GALNTL6: variants seen among roughly 807,000 people sequenced by gnomAD.
The protein encoded by GALNTL6 is polypeptide N-acetylgalactosaminyltransferase-like 6.
In GALNTL6, 46 loss-of-function variants were observed where a neutral mutation model predicts 73.7. The observed-to-expected ratio is 0.62, with a 90% CI of 0.49 to 0.80. The LOEUF (loss-of-function observed/expected upper bound fraction) is 0.80. Ranked by LOEUF, GALNTL6 falls within the 30% of genes least tolerant of loss-of-function variation. GALNTL6 has a pLI of 0.00. For missense variants in GALNTL6, 604 were observed against 755.0 expected (o/e 0.80, Z 2.34); for synonymous variants, 259 against 263.7 (o/e 0.98, Z 0.17).
chr4:173,023,671 C>CCA (rs1394434147), intron 12 of GALNTL6, among the ~76,000 whole-genome samples: 2 of 148,576 alleles, frequency 1.3e-5, no homozygotes, highest in Non-Finnish European at 3.0e-5. Flanking sequence ...CCAAAAAAAG[C>CCA]AAAAAAAAAT....
At chr4:172,065,973 A>G (rs1403001927) in intron 2 of GALNTL6, among the ~76,000 whole-genome samples, 1 of 152,178 alleles carries the variant, frequency 6.6e-6, no homozygotes, top group Non-Finnish European at 1.5e-5. Context: ...TGTGAGGATT[A>G]TCACAATTCA....
chr4:171,883,679 G>T (rs551345937), intron 2 of GALNTL6, among the ~76,000 whole-genome samples: 1 of 149,542 alleles, frequency 6.7e-6, no homozygotes, highest in South Asian at 2.1e-4. Context: ...ATAGAGTCTC[G>T]CTCTGTCGCC....
chr4:172,013,697 T>C (rs1275838385), intron 2 of GALNTL6, among the ~76,000 whole-genome samples: 1 of 152,112 alleles, frequency 6.6e-6, no homozygotes, highest in Non-Finnish European at 1.5e-5. Context: ...TTATCCTTCA[T>C]GTCACAAACA....
intron 5 of GALNTL6, among the ~76,000 whole-genome samples, chr4:172,361,447 A>T (rs1343996226): frequency 1.3e-5 from 2 of 152,132 alleles, no homozygotes; most frequent in African/African-American, 4.8e-5. Flanking sequence ...ATAGCAAAAC[A>T]AAAACAAAAC....
intron 12 of GALNTL6, among the ~76,000 whole-genome samples, chr4:173,031,430 A>G (rs1753454883): frequency 6.6e-6 from 1 of 152,204 alleles, no homozygotes; most frequent in African/African-American, 2.4e-5. Context: ...TAAATCTTAG[A>G]ATATCAATTT....
intron 8 of GALNTL6, among the ~76,000 whole-genome samples, chr4:172,887,577 T>TTTAC (rs1338262046): frequency 3.3e-5 from 5 of 150,682 alleles, no homozygotes; most frequent in African/African-American, 1.2e-4. Flanking sequence ...TATTTATTTA[T>TTTAC]TTTTGAGATC....
At chr4:172,499,958 C>G (rs932046611) in intron 5 of GALNTL6, among the ~76,000 whole-genome samples, 1 of 152,034 alleles carries the variant, frequency 6.6e-6, no homozygotes, top group African/African-American at 2.4e-5. Flanking sequence ...TAATTCTTAC[C>G]TCTCTTACAG....
chr4:172,448,330 A>G (rs336018), intron 5 of GALNTL6, among the ~76,000 whole-genome samples: 132,752 of 152,200 alleles, frequency 0.87, 57,932 homozygotes, highest in South Asian at 0.89. Context: ...CAATCATTTT[A>G]ATGCTTATTT....
intron 12 of GALNTL6, among the ~76,000 whole-genome samples, chr4:173,030,153 T>A (rs146945998): frequency 7.6e-6 from 1 of 131,790 alleles, no homozygotes; most frequent in East Asian, 2.0e-4. Flanking sequence ...GGACTTATGT[T>A]ATCCTAAGAA....
In GALNTL6 at chr4:171,933,979, C is replaced by A. The variant is rs543158701; in HGVS notation, c.138+119261C>A. On this transcript the variant is annotated intron_variant, in intron 2 of 12. Transcript: ENST00000506823. Reference sequence around the variant, plus strand: ...GGGTTTTCAAATGTTATAAACACCACGGGACTTTTTAAAATTTACATTCCT... The same window carrying A: ...GGGTTTTCAAATGTTATAAACACCAAGGGACTTTTTAAAATTTACATTCCT... 2.6e-5 allele frequency among the ~76,000 whole-genome samples: 4 copies of A among 152,214 alleles called. No homozygotes were observed. The East Asian group carries it at 7.7e-4, about 29-fold the overall frequency.
chr4:172,456,542 C>T (rs1215511330), intron 5 of GALNTL6, among the ~76,000 whole-genome samples: 1 of 151,540 alleles, frequency 6.6e-6, no homozygotes, highest in East Asian at 2.0e-4. Flanking sequence ...AGCACAAGAA[C>T]TTTGTGAAGC....
chr4:171,936,016 C>A (rs542210894), intron 2 of GALNTL6, among the ~76,000 whole-genome samples: 90 of 152,250 alleles, frequency 5.9e-4, no homozygotes, highest in Non-Finnish European at 1.0e-3. Context: ...CAGAAAATAT[C>A]TATCTGTGGA....
chr4:172,502,665 A>C (rs1427365871), intron 5 of GALNTL6, among the ~76,000 whole-genome samples: 1 of 152,246 alleles, frequency 6.6e-6, no homozygotes, highest in African/African-American at 2.4e-5. Flanking sequence ...TCCAAAAATC[A>C]AGTTAGTTTA....
chr4:171,905,540 A>C (rs1378326680), intron 2 of GALNTL6, among the ~76,000 whole-genome samples: 1 of 150,192 alleles, frequency 6.7e-6, no homozygotes, highest in Non-Finnish European at 1.5e-5. Flanking sequence ...ACACATTAAT[A>C]ATGGGAGACT....
At chr4:172,166,282 A>G (rs1217189239) in intron 2 of GALNTL6, among the ~76,000 whole-genome samples, 3 of 152,052 alleles carry the variant, frequency 2.0e-5, no homozygotes, top group South Asian at 2.1e-4. Flanking sequence ...CGTCTCTACT[A>G]AAAAAATACA....
chr4:172,359,216 A>G (rs1217428730), intron 5 of GALNTL6, among the ~76,000 whole-genome samples: 1 of 152,198 alleles, frequency 6.6e-6, no homozygotes, highest in Non-Finnish European at 1.5e-5. Context: ...AAAGAATGAG[A>G]TCATATTCTT....
At chr4:172,571,111 G>C (rs1387557029) in intron 5 of GALNTL6, among the ~76,000 whole-genome samples, 1 of 152,170 alleles carries the variant, frequency 6.6e-6, no homozygotes, top group African/African-American at 2.4e-5. Flanking sequence ...CCACAGACTG[G>C]TATAGGGGTT....
intron 5 of GALNTL6, among the ~76,000 whole-genome samples, chr4:172,633,272 G>T (rs1156272425): frequency 2.0e-5 from 3 of 152,194 alleles, no homozygotes; most frequent in African/African-American, 4.8e-5. Context: ...GCAGCTGAGA[G>T]GGGGGCTATA....
At chr4:172,907,740 T>A (rs904543293) in intron 8 of GALNTL6, among the ~76,000 whole-genome samples, 5 of 152,234 alleles carry the variant, frequency 3.3e-5, no homozygotes, top group African/African-American at 9.6e-5. Context: ...GCACTGTAGC[T>A]ATAACTTTTG....
Sources: gnomAD v4.1 joint callset for allele counts (sites outside exome capture counted in the v4.1 genomes callset) on GRCh38, gnomAD v4.1.1 for gene constraint, MANE v1.5 for transcripts, NCBI Gene and HGNC (gene_info 2026-07-23, HGNC 2026-07-21) for gene names.